SCEL: variants seen among roughly 807,000 people sequenced by gnomAD.
SCEL encodes the protein sciellin.
Under a neutral mutation model 117.6 loss-of-function variants are expected in SCEL, and 113 were observed. The observed-to-expected ratio is 0.96, with a 90% CI of 0.83 to 1.12. The LOEUF (loss-of-function observed/expected upper bound fraction) is 1.12. Ranked by LOEUF, SCEL falls within the 50% of genes most tolerant of loss-of-function variation. The pLI is 0.00. For missense variants in SCEL, 785 were observed against 810.8 expected (o/e 0.97, Z 0.39); for synonymous variants, 270 against 256.2 (o/e 1.05, Z -0.51).
chr13:77,640,596 G>A (rs756339456), intron 30 of SCEL, 80 bp from the exon 31 acceptor site: 156 of 546,240 alleles, frequency 2.9e-4, no homozygotes, highest in Admixed American at 9.0e-4. Context: ...TTAATATACC[G>A]TTGCCATGTG....
At chr13:77,592,723 T>C (rs1431664767) in intron 11 of SCEL, among the ~76,000 whole-genome samples, 1 of 151,948 alleles carries the variant, frequency 6.6e-6, no homozygotes, top group African/African-American at 2.4e-5. Flanking sequence ...CACACCCAGC[T>C]AATTTAAAAA....
chr13:77,605,252 C>T (rs2088063088), intron 19 of SCEL, among the ~76,000 whole-genome samples: 1 of 152,056 alleles, frequency 6.6e-6, no homozygotes, highest in Non-Finnish European at 1.5e-5. Context: ...GCCTGCAGGC[C>T]CAGTTGGGAG....
At chr13:77,585,506 T>C (rs2086511593) in intron 9 of SCEL, among the ~76,000 whole-genome samples, 1 of 152,108 alleles carries the variant, frequency 6.6e-6, no homozygotes, top group South Asian at 2.1e-4. Context: ...CTATTTCCTG[T>C]GTGGAAGCCA....
intron 14 of SCEL, 90 bp from the exon 15 acceptor site, chr13:77,599,599 G>T: frequency 9.8e-7 from 1 of 1,015,386 alleles, no homozygotes. Context: ...AGCAATTCAT[G>T]GAGAATGTTT....
Position 77,559,870 on chromosome 13 carries a change from G to A in SCEL, c.221+7G>A, listed in dbSNP as rs1431415620. 1.9e-6 allele frequency: 3 copies of A among 1,608,882 alleles called. No homozygotes were observed. In the African/African-American group the frequency reaches 4.0e-5, roughly 22 times the overall value. On this transcript the variant is annotated splice_region_variant and intron_variant, in intron 4 of 32. Transcript: ENST00000349847. ...CCCATGATGCATTGGACAGGTGGGT[G>A]TTTAGACATGTTACATCATGAGCAG... is the stretch of plus-strand genomic sequence containing the variant.
chr13:77,615,423 T>A (rs1174563799), intron 24 of SCEL, among the ~76,000 whole-genome samples: 2 of 152,142 alleles, frequency 1.3e-5, no homozygotes, highest in African/African-American at 4.8e-5. Context: ...TTGCTCTTGC[T>A]GTGGGATGGC....
At chr13:77,618,358 T>A (rs1338852033) in intron 27 of SCEL, among the ~76,000 whole-genome samples, 3 of 151,806 alleles carry the variant, frequency 2.0e-5, no homozygotes, top group Non-Finnish European at 2.9e-5. Context: ...TTTTTTAAAA[T>A]TTTTTTTAGA....
chr13:77,644,435 A>G lies in SCEL; in HGVS notation c.*161A>G, dbSNP rs532611614. On this transcript the variant is annotated 3_prime_UTR_variant, in exon 33 of 33. Transcript: ENST00000349847. Reference sequence around the variant, plus strand: ...TGCATAAGTAATCTAATTGTCTTCAATAAGGTCACACACATAAAAAGAGCC... The same window carrying G: ...TGCATAAGTAATCTAATTGTCTTCAGTAAGGTCACACACATAAAAAGAGCC... 73 of 689,650 alleles carry G rather than the reference A, an allele frequency of 1.1e-4. No individual in the cohort carries two copies. In the South Asian group the frequency reaches 1.4e-3, roughly 13 times the overall value. 42.7% of individuals were successfully genotyped at this position (689,650 alleles called of 1,614,324 possible). A position where few individuals can be genotyped will look rare whatever the true frequency, so the allele number is the denominator to read the frequency against.
chr13:77,562,748 C>T (rs2085056247), intron 4 of SCEL, among the ~76,000 whole-genome samples: 2 of 152,230 alleles, frequency 1.3e-5, no homozygotes, highest in Admixed American at 1.3e-4. Flanking sequence ...GCAAATGTTA[C>T]TTTCTCCACT....
At chr13:77,601,678 A>G (rs955673851) in intron 15 of SCEL, among the ~76,000 whole-genome samples, 20 of 152,236 alleles carry the variant, frequency 1.3e-4, no homozygotes, top group African/African-American at 4.6e-4. Context: ...TTAGACTTAA[A>G]ATATTGATCA....
chr13:77,562,101 G>C (rs1172940903), intron 4 of SCEL, among the ~76,000 whole-genome samples: 1 of 152,196 alleles, frequency 6.6e-6, no homozygotes, highest in African/African-American at 2.4e-5. Context: ...GAGGCCTCCT[G>C]TGCATCAGTA....
At chr13:77,624,910 A>G (rs1348140366) in intron 27 of SCEL, among the ~76,000 whole-genome samples, 1 of 152,232 alleles carries the variant, frequency 6.6e-6, no homozygotes, top group Non-Finnish European at 1.5e-5. Flanking sequence ...CAAAAAAGAA[A>G]AGATAATTTA....
chr13:77,617,771 A>G, intron 25 of SCEL, 32 bp from the exon 26 acceptor site: 1 of 1,569,370 alleles, frequency 6.4e-7, no homozygotes, highest in Non-Finnish European at 8.7e-7. Context: ...CTTCAAAATT[A>G]ACCTGCTCTC....
intron 9 of SCEL, among the ~76,000 whole-genome samples, chr13:77,585,224 G>A (rs951952324): frequency 3.9e-5 from 6 of 152,212 alleles, no homozygotes; most frequent in African/African-American, 1.4e-4. Context: ...AATATCATGT[G>A]TAATCCAGAA....
At chr13:77,569,318 T>C in intron 7 of SCEL, 53 bp from the exon 8 acceptor site, 1 of 1,385,734 alleles carries the variant, frequency 7.2e-7, no homozygotes, top group Non-Finnish European at 1.0e-6. Context: ...AAAGGTAGGC[T>C]GAAATGAAAA....
chr13:77,603,203 C>A, intron 18 of SCEL, 68 bp downstream of exon 18: 2 of 953,504 alleles, frequency 2.1e-6, no homozygotes, highest in Non-Finnish European at 3.1e-6. Flanking sequence ...AATAATTTGG[C>A]TTTTTAGCTT....
chr13:77,569,921 TG>T (rs1459592207), intron 8 of SCEL, among the ~76,000 whole-genome samples: 2 of 152,200 alleles, frequency 1.3e-5, no homozygotes, highest in African/African-American at 4.8e-5. Flanking sequence ...CTCCTCTGCA[TG>T]GTCTCCCACA....
chr13:77,541,059 G>A (rs927845572), intron 1 of SCEL, among the ~76,000 whole-genome samples: 1 of 152,142 alleles, frequency 6.6e-6, no homozygotes, highest in Non-Finnish European at 1.5e-5. Flanking sequence ...TTTAAAGAGT[G>A]AAAGTGGAAG....
In SCEL at chr13:77,542,230, G is replaced by A. The variant is rs777735329; in HGVS notation, c.-20+6406G>A. On this transcript the variant is annotated intron_variant, in intron 1 of 32. Transcript: ENST00000349847. ...AGCCTGACCAACATGGTGAAACCCC[G>A]TCTCTACTAAAAATACAAAAATTAG... is the stretch of plus-strand genomic sequence containing the variant. 6.6e-5 allele frequency among the ~76,000 whole-genome samples: 10 copies of A among 152,094 alleles called. No homozygotes were observed. The South Asian group carries it at 8.3e-4, about 13-fold the overall frequency.
Sources: gnomAD v4.1 joint callset for allele counts (sites outside exome capture counted in the v4.1 genomes callset) on GRCh38, gnomAD v4.1.1 for gene constraint, MANE v1.5 for transcripts, NCBI Gene and HGNC (gene_info 2026-07-23, HGNC 2026-07-21) for gene names.